C2orf76: variants seen among roughly 807,000 people sequenced by gnomAD.
C2orf76 encodes the protein UPF0538 protein C2orf76.
In C2orf76, 23 loss-of-function variants were observed where a neutral mutation model predicts 16.9. The observed-to-expected ratio is 1.36, with a 90% CI of 0.98 to 1.93. The LOEUF (loss-of-function observed/expected upper bound fraction) is 1.93. Ranked by LOEUF, C2orf76 falls within the 30% of genes most tolerant of loss-of-function variation. The pLI, the probability that C2orf76 is intolerant of heterozygous loss-of-function variation, is 0.00. For missense variants in C2orf76, 152 were observed against 152.6 expected, an observed-to-expected ratio of 1.00 and a Z score of 0.02; for synonymous variants, 48 against 52.3, an observed-to-expected ratio of 0.92 and a Z score of 0.35.
chr2:119,311,742 T>C, intron 4 of C2orf76, 39 bp from the exon 5 acceptor site: 1 of 1,555,788 alleles, frequency 6.4e-7, no homozygotes, highest in Non-Finnish European at 8.7e-7. Flanking sequence ...TATCAGTACT[T>C]ACATGGGTTT....
At chr2:119,340,142 C>G in intron 1 of C2orf76, 171 bp from the exon 2 acceptor site, 1 of 613,380 alleles carries the variant, frequency 1.6e-6, no homozygotes, top group Non-Finnish European at 2.7e-6. Context: ...CAGAAGGGTC[C>G]CAGTGATTAT....
Position 119,339,934 on chromosome 2 carries a change from G to A in C2orf76, c.26C>T (p.Thr9Ile). Residue 9 changes from threonine to isoleucine, a missense_variant, in exon 2 of 6, where the codon ACA (threonine) becomes ATA (isoleucine). Transcript: ENST00000334816. Reference protein sequence around the residue: MAPGEVTITVRLIRSFEHR... With the variant: MAPGEVTIIVRLIRSFEHR... Reference sequence around the variant, plus strand: ...TTCAAAGGAACGGATGAGGCGAACTGTGATGGTCACTTCTCCAGGAGCCAT... The same window carrying A: ...TTCAAAGGAACGGATGAGGCGAACTATGATGGTCACTTCTCCAGGAGCCAT... The A allele has an allele frequency of 6.2e-7, 1 of 1,612,466 alleles. No homozygotes were observed. Among genetic ancestry groups the A allele is most frequent in the Non-Finnish European group, 8.5e-7 (1 of 1,178,572 alleles).
At chr2:119,285,362 G>A in the C2orf76 span, among the ~76,000 whole-genome samples, 3 of 152,106 alleles carry the variant, frequency 2.0e-5, no homozygotes, top group Non-Finnish European at 4.4e-5. Context: ...CCTTCATCAG[G>A]GTCACGTAAC....
intron 1 of C2orf76, chr2:119,366,208 T>C (rs1371736472): frequency 1.7e-5 from 6 of 349,230 alleles, no homozygotes; most frequent in Non-Finnish European, 2.8e-5. Flanking sequence ...CTTTGTTCAC[T>C]GCTGTCTGCC....
intron 2 of C2orf76, among the ~76,000 whole-genome samples, chr2:119,330,745 C>T (rs544581037): frequency 2.6e-4 from 39 of 152,090 alleles, no homozygotes; most frequent in Admixed American, 5.2e-4. Context: ...TTATTTTTTC[C>T]AGTCTTTTCC....
chr2:119,354,854 G>T (rs1003454000), intron 1 of C2orf76, among the ~76,000 whole-genome samples: 1 of 152,184 alleles, frequency 6.6e-6, no homozygotes, highest in African/African-American at 2.4e-5. Context: ...CTGCTGACTG[G>T]CACATGCTTC....
chr2:119,354,381 C>T (rs1419605460), intron 1 of C2orf76, among the ~76,000 whole-genome samples: 2 of 152,062 alleles, frequency 1.3e-5, no homozygotes, highest in Admixed American at 6.5e-5. Flanking sequence ...AAATATTAGC[C>T]GGGCGTGGTG....
intron 5 of C2orf76, among the ~76,000 whole-genome samples, chr2:119,304,114 GA>G (rs1377904697): frequency 1.3e-5 from 2 of 152,206 alleles, no homozygotes; most frequent in Non-Finnish European, 2.9e-5. Context: ...ATCCCTTATA[GA>G]AAAAGCTCCT....
chr2:119,282,924 A>G, the C2orf76 span, among the ~76,000 whole-genome samples: 1 of 152,238 alleles, frequency 6.6e-6, no homozygotes, highest in African/African-American at 2.4e-5. Flanking sequence ...GCGGGGGGAA[A>G]CAACATGCTC....
chr2:119,330,706 T>C (rs538272455), intron 2 of C2orf76, among the ~76,000 whole-genome samples: 6 of 152,304 alleles, frequency 3.9e-5, no homozygotes, highest in African/African-American at 7.2e-5. Flanking sequence ...ATTTGGCTAC[T>C]AGAAGTTGTC....
intron 1 of C2orf76, among the ~76,000 whole-genome samples, chr2:119,342,108 C>T (rs781151394): frequency 5.9e-5 from 9 of 152,200 alleles, no homozygotes; most frequent in African/African-American, 1.4e-4. Context: ...AACTGTCCAT[C>T]AACAGCAGAA....
At chr2:119,351,952 A>C (rs992948419) in intron 1 of C2orf76, among the ~76,000 whole-genome samples, 1 of 152,210 alleles carries the variant, frequency 6.6e-6, no homozygotes, top group Non-Finnish European at 1.5e-5. Context: ...ATTAGGATTG[A>C]CTGTACTACC....
chr2:119,367,118 G>T, upstream of C2orf76: 6 of 1,607,402 alleles, frequency 3.7e-6, no homozygotes, highest in Non-Finnish European at 5.1e-6. Context: ...CCCGTTGGGG[G>T]CTCAGCCGGC....
chr2:119,350,069 G>GCCC (rs1213961999), intron 1 of C2orf76, among the ~76,000 whole-genome samples: 37 of 28,528 alleles, frequency 1.3e-3, no homozygotes, highest in South Asian at 8.3e-3. Flanking sequence ...CGCCCACACC[G>GCCC]CCCCCCGCCC....
intron 2 of C2orf76, among the ~76,000 whole-genome samples, chr2:119,336,300 G>A (rs1052661421): frequency 2.6e-5 from 4 of 152,120 alleles, no homozygotes; most frequent in Non-Finnish European, 4.4e-5. Context: ...GGCTGAGGCA[G>A]GAGAATCGCT....
chr2:119,301,479 G>A (rs1394184241), downstream of C2orf76, among the ~76,000 whole-genome samples: 1 of 152,168 alleles, frequency 6.6e-6, no homozygotes, highest in East Asian at 1.9e-4. Flanking sequence ...AGCAATGGCA[G>A]AGCCGGCTAA....
At chr2:119,357,697 A>G (rs972281280) in intron 1 of C2orf76, among the ~76,000 whole-genome samples, 4 of 152,262 alleles carry the variant, frequency 2.6e-5, no homozygotes, top group Non-Finnish European at 5.9e-5. Flanking sequence ...CATTCTCACC[A>G]TTCTTATTCA....
chr2:119,282,416 A>G, the C2orf76 span, among the ~76,000 whole-genome samples: 1 of 152,182 alleles, frequency 6.6e-6, no homozygotes, highest in African/African-American at 2.4e-5. Context: ...GGCACTTCCC[A>G]GTAGGTGACT....
chr2:119,301,793 G>A (rs565505691), downstream of C2orf76, among the ~76,000 whole-genome samples: 5 of 151,744 alleles, frequency 3.3e-5, no homozygotes, highest in East Asian at 5.8e-4. Context: ...GCATCCTGCC[G>A]CTTCCTCTCT....
Sources: allele counts gnomAD v4.1 joint callset (sites outside exome capture counted in the v4.1 genomes callset), GRCh38; gene constraint gnomAD v4.1.1; transcripts MANE v1.5; gene names NCBI Gene and HGNC (gene_info 2026-07-23, HGNC 2026-07-21).